The following LPCAT1 variants were observed in gnomAD, a reference collection of about 807,000 sequenced individuals.
LPCAT1 encodes the protein 1-acylglycerol-3-phosphate O-acyltransferase.
Under a neutral mutation model 60.9 loss-of-function variants are expected in LPCAT1, and 23 were observed. The observed-to-expected ratio is 0.38, with a 90% CI of 0.27 to 0.53. LPCAT1 has a LOEUF of 0.53. LPCAT1 is among the 20% of genes least tolerant of loss of function. The pLI is 0.82. For synonymous variants in LPCAT1, 340 were observed against 301.1 expected (o/e 1.13, Z -1.34); for missense variants, 622 against 723.6 (o/e 0.86, Z 1.61).
Position 1,463,855 on chromosome 5 carries a change from T to G in LPCAT1, c.1421-20A>C. ...AGTCAGCTGGAAAGACAAAGGCACC[T>G]GTGGTTATGGAATGGGGACGAGCAA... On this transcript the variant is annotated intron_variant, in intron 13 of 13. Transcript: ENST00000283415. 1 of 1,612,060 alleles carries G rather than the reference T, an allele frequency of 6.2e-7. No individual in the cohort carries two copies. Among genetic ancestry groups the G allele is most frequent in the Middle Eastern group, 1.7e-4 (1 of 6,046 alleles).
intron 2 of LPCAT1, among the ~76,000 whole-genome samples, chr5:1,497,739 G>A (rs1042880083): frequency 6.6e-6 from 1 of 152,212 alleles, no homozygotes; most frequent in African/African-American, 2.4e-5. Flanking sequence ...TCAAGTTCAA[G>A]CTCCAACCTC....
intron 1 of LPCAT1, among the ~76,000 whole-genome samples, chr5:1,513,587 C>T (rs998643998): frequency 1.3e-5 from 2 of 152,214 alleles, no homozygotes; most frequent in African/African-American, 4.8e-5. Flanking sequence ...TGCGGGGACT[C>T]GGTTACACCT....
chr5:1,483,358 A>C lies in LPCAT1; in HGVS notation c.726+70T>G. 1 of 1,480,052 alleles carries C rather than the reference A, an allele frequency of 6.8e-7. No individual in the cohort carries two copies. Among genetic ancestry groups the C allele is most frequent in the Non-Finnish European group, 9.4e-7 (1 of 1,058,500 alleles). The allele number at this position is 1,480,052 out of a possible 1,614,324, so 91.7% of individuals were successfully genotyped here. On this transcript the variant is annotated intron_variant, in intron 6 of 13. Coordinates refer to ENST00000283415, the MANE Select transcript of LPCAT1 (RefSeq NM_024830.5). This position sits in a 1 kb window ranked among gnomAD's most constrained non-coding sequence, Gnocchi z 9.2. ...TGGAGAGACAGAGACACAGGTGCAC[A>C]GAGGCAGCTCGCAGTTCCCGTTTCC...
Position 1,463,616 on chromosome 5 carries a change from G to T in LPCAT1, c.*35C>A. 1 of 1,608,402 alleles carries T rather than the reference G, an allele frequency of 6.2e-7. No homozygotes were observed. Among genetic ancestry groups the T allele is most frequent in the East Asian group, 2.2e-5 (1 of 44,852 alleles). ...AGAGGCTCATGGCGGTGATGTCCAC[G>T]CGGGAGGGGCCGCGTCTCTCCGCAA... On this transcript the variant is annotated 3_prime_UTR_variant, in exon 14 of 14. Coordinates refer to ENST00000283415, the MANE Select transcript of LPCAT1 (RefSeq NM_024830.5).
intron 3 of LPCAT1, 32 bp downstream of exon 3, chr5:1,494,668 T>C (rs1267141995): frequency 6.3e-7 from 1 of 1,588,340 alleles, no homozygotes; most frequent in Admixed American, 1.7e-5. Context: ...CAGGGCAGGG[T>C]CCCTCACTCC....
chr5:1,520,616 T>C, intron 1 of LPCAT1, among the ~76,000 whole-genome samples: 1 of 151,808 alleles, frequency 6.6e-6, no homozygotes, highest in East Asian at 1.9e-4. Context: ...ATCCCAGCAC[T>C]TTGGGAGGCC....
At chr5:1,467,254 CAG>C (rs899349599) in intron 12 of LPCAT1, 4 of 243,772 alleles carry the variant, frequency 1.6e-5, no homozygotes, top group African/African-American at 6.7e-5. Context: ...GCTTGGGCTG[CAG>C]AGTTCCCCCA....
intron 2 of LPCAT1, among the ~76,000 whole-genome samples, chr5:1,498,665 T>G (rs1735890093): frequency 2.6e-5 from 4 of 151,724 alleles, no homozygotes; most frequent in Non-Finnish European, 5.9e-5. Context: ...GACACAACAC[T>G]CATACACATG....
intron 1 of LPCAT1, among the ~76,000 whole-genome samples, chr5:1,515,714 C>G (rs372520805): frequency 6.6e-6 from 1 of 151,980 alleles, no homozygotes; most frequent in Non-Finnish European, 1.5e-5. Context: ...ACACCCTGCT[C>G]CACACTACGG....
Position 1,483,965 on chromosome 5 carries a change from G to C in LPCAT1, c.668-479C>G, listed in dbSNP as rs975054303. Among the ~76,000 whole-genome samples the C allele has an allele frequency of 1.1e-4, 17 of 152,256 alleles. No homozygotes were observed. The highest frequency in any genetic ancestry group is 4.1e-4 in the African/African-American group (17 of 41,462). Reference sequence around the variant, plus strand: ...ACCAGCTGGAAGGCGTTGGTGGGAAGTGGGGGTCCTCATCACCGGCCAATG... The same window carrying C: ...ACCAGCTGGAAGGCGTTGGTGGGAACTGGGGGTCCTCATCACCGGCCAATG... On this transcript the variant is annotated intron_variant, in intron 5 of 13. Coordinates refer to ENST00000283415, the MANE Select transcript of LPCAT1 (RefSeq NM_024830.5). The surrounding 1 kb of genome is among the most constrained non-coding windows in gnomAD (Gnocchi z 9.2).
At chr5:1,504,068 T>C (rs914187148) in intron 1 of LPCAT1, among the ~76,000 whole-genome samples, 6 of 152,276 alleles carry the variant, frequency 3.9e-5, no homozygotes, top group Non-Finnish European at 8.8e-5. Context: ...CTCTTTCTTC[T>C]GCTTTGAATT....
chr5:1,479,774 G>A (rs1735060325), intron 7 of LPCAT1, 99 bp from the exon 8 acceptor site: 3 of 940,518 alleles, frequency 3.2e-6, no homozygotes, highest in Admixed American at 2.0e-5. Context: ...GCGCCCTCCA[G>A]AGGGCGCTAC....
chr5:1,480,921 A>C lies in LPCAT1; in HGVS notation c.761+21T>G. ...TTCATGGAACAACAGGACAAAGAGGACGACACGGCGTTCAACTTACGCTCC... is the reference window on the plus strand; with the variant it reads ...TTCATGGAACAACAGGACAAAGAGGCCGACACGGCGTTCAACTTACGCTCC... On this transcript the variant is annotated intron_variant, in intron 7 of 13. Transcript: ENST00000283415. The surrounding 1 kb of genome is among the most constrained non-coding windows in gnomAD (Gnocchi z 6.4). 1 of 1,613,788 alleles carries C rather than the reference A, an allele frequency of 6.2e-7. No individual in the cohort carries two copies. Among genetic ancestry groups the C allele is most frequent in the Middle Eastern group, 1.6e-4 (1 of 6,062 alleles).
chr5:1,521,147 C>G lies in LPCAT1; in HGVS notation c.135+2563G>C, dbSNP rs78043654. On this transcript the variant is annotated intron_variant, in intron 1 of 13. Coordinates refer to ENST00000283415, the MANE Select transcript of LPCAT1 (RefSeq NM_024830.5). This position sits in a 1 kb window ranked among gnomAD's most constrained non-coding sequence, Gnocchi z 4.3. ...TTAAAACATTGCACGTATTACAGAC[C>G]CTGATGGCTTTGATACCTCTTTTCA... Among the ~76,000 whole-genome samples the G allele has an allele frequency of 0.037, 5,678 of 152,274 alleles. 153 individuals carry two copies. Among genetic ancestry groups the G allele is most frequent in the Middle Eastern group, 0.075 (22 of 294 alleles).
In LPCAT1 at chr5:1,512,201, G is replaced by T. The variant is rs568975612; in HGVS notation, c.136-10598C>A. On this transcript the variant is annotated intron_variant, in intron 1 of 13. Transcript: ENST00000283415. ...GAGCTCCTGTGTGGCGTGCGGCCCC[G>T]TGAGTCGCAGTGGGGCTATGTGCTG... is the stretch of plus-strand genomic sequence containing the variant. 3.3e-5 allele frequency among the ~76,000 whole-genome samples: 5 copies of T among 152,338 alleles called. 1 individual carries two copies. In the South Asian group the frequency reaches 1.0e-3, roughly 32 times the overall value.
intron 13 of LPCAT1, among the ~76,000 whole-genome samples, chr5:1,465,120 A>ACACATG: frequency 1.0e-5 from 1 of 96,784 alleles, no homozygotes; most frequent in Non-Finnish European, 2.6e-5. Context: ...ACACATGCAC[A>ACACATG]CACACACAAA....
rs35322573 is a variant in LPCAT1, at chr5:1,517,676, C to CAAA, written c.135+6031_135+6033dup. On this transcript the variant is annotated intron_variant, in intron 1 of 13. Transcript: ENST00000283415. Reference sequence around the variant, plus strand: ...ATACGAGAAATAGATAATTCAACTGCAAAAAAAAAAGCCAATGTTAGGAAG... The same window carrying CAAA: ...ATACGAGAAATAGATAATTCAACTGCAAAAAAAAAAAAAGCCAATGTTAGGAAG... 8.8e-3 allele frequency among the ~76,000 whole-genome samples: 1,307 copies of CAAA among 149,342 alleles called. 17 individuals are homozygous for CAAA. The highest frequency in any genetic ancestry group is 0.031 in the African/African-American group (1,232 of 40,294).
In LPCAT1 at chr5:1,474,012, G is replaced by C. The variant is rs1046075586; in HGVS notation, c.1124C>G (p.Ser375Cys). The part of the protein sequence containing the change: ...EKIGIAEFAA[S>C]LEVPVSDLLE... Reference sequence around the variant, plus strand: ...CAAGTCAGAAACGGGGACTTCCAGGGAGGCGGCAAACTCCGCAATACCTAT... The same window carrying C: ...CAAGTCAGAAACGGGGACTTCCAGGCAGGCGGCAAACTCCGCAATACCTAT... Residue 375 changes from serine (S) to cysteine (C), a missense_variant, in exon 11 of 14, where the codon TCC becomes TGC. Physicochemically the swap from Ser to Cys is moderately radical, Grantham distance 112. Around this residue, in one of 3 missense-constraint regions of LPCAT1, gnomAD observed 288 missense variants for 283.6 expected, o/e 1.02. Coordinates refer to ENST00000283415, the MANE Select transcript of LPCAT1 (RefSeq NM_024830.5). 1 of 1,614,206 alleles carries C rather than the reference G, an allele frequency of 6.2e-7. No homozygotes were observed. Among genetic ancestry groups the C allele is most frequent in the Admixed American group, 1.7e-5 (1 of 60,034 alleles).
At chr5:1,513,427 G>A (rs1294972707) in intron 1 of LPCAT1, among the ~76,000 whole-genome samples, 1 of 152,196 alleles carries the variant, frequency 6.6e-6, no homozygotes, top group Non-Finnish European at 1.5e-5. Flanking sequence ...CTCCTGCAAG[G>A]CCTGGCTCAC....
Sources: gnomAD v4.1 joint callset for allele counts (sites outside exome capture counted in the v4.1 genomes callset) on GRCh38, gnomAD v4.1.1 for gene constraint, gnomAD v4.1.1 regional missense constraint, Gnocchi (gnomAD v3.1) non-coding constraint, MANE v1.5 for transcripts, NCBI Gene and HGNC (gene_info 2026-07-23, HGNC 2026-07-21) for gene names.